KCNK1: variants seen among roughly 807,000 people sequenced by gnomAD.
The protein encoded by KCNK1 is potassium two pore domain channel subfamily K member 1.
KCNK1 carries 10 observed loss-of-function variants against 22.2 expected under a neutral mutation model. The ratio of observed to expected loss-of-function variants is 0.45; its 90% CI spans 0.28 to 0.76. The LOEUF (loss-of-function observed/expected upper bound fraction) is 0.76. KCNK1 is among the 30% of genes least tolerant of loss of function. The probability of loss-of-function intolerance (pLI) is 0.14; values close to 1 mark genes in which losing one functional copy is unlikely to be tolerated. For missense variants in KCNK1, 378 were observed against 421.0 expected (o/e 0.90, Z 0.89); for synonymous variants, 200 against 186.4 (o/e 1.07, Z -0.60).
intron 1 of KCNK1, among the ~76,000 whole-genome samples, chr1:233,619,549 G>GT (rs1467900173): frequency 4.6e-5 from 7 of 152,112 alleles, no homozygotes; most frequent in Non-Finnish European, 8.8e-5. Context: ...CTGATCCTTA[G>GT]TTGTCAAATT....
At chr1:233,655,824 T>A (rs1658281607) in intron 1 of KCNK1, 1 of 152,358 alleles carries the variant, frequency 6.6e-6, no homozygotes, top group South Asian at 2.0e-4. Flanking sequence ...TTTCTGTTGT[T>A]TATAAGCCTG....
intron 1 of KCNK1, among the ~76,000 whole-genome samples, chr1:233,625,309 G>A (rs1321340117): frequency 1.3e-5 from 2 of 152,180 alleles, no homozygotes; most frequent in African/African-American, 4.8e-5. Context: ...CTCTGGAATG[G>A]GGATTCTTAT....
At chr1:233,617,204 C>T (rs1657502530) in intron 1 of KCNK1, among the ~76,000 whole-genome samples, 1 of 152,188 alleles carries the variant, frequency 6.6e-6, no homozygotes, top group Admixed American at 6.5e-5. Flanking sequence ...TGTTGTAACA[C>T]AGGCCCATGA....
At chr1:233,626,660 C>T (rs565749987) in intron 1 of KCNK1, among the ~76,000 whole-genome samples, 1 of 152,228 alleles carries the variant, frequency 6.6e-6, no homozygotes, top group South Asian at 2.1e-4. Context: ...TGTGAGTTCC[C>T]TGGGCTGATC....
chr1:233,671,208 C>T, intron 2 of KCNK1, 63 bp from the exon 3 acceptor site: 3 of 1,481,954 alleles, frequency 2.0e-6, no homozygotes, highest in Non-Finnish European at 9.3e-7. Context: ...GGAGGTAAAT[C>T]ACTCGCTACT....
chr1:233,627,904 G>A (rs1211072004), intron 1 of KCNK1, among the ~76,000 whole-genome samples: 1 of 152,258 alleles, frequency 6.6e-6, no homozygotes, highest in African/African-American at 2.4e-5. Context: ...TGGAACACCA[G>A]AGTTATTTGT....
intron 1 of KCNK1, among the ~76,000 whole-genome samples, chr1:233,632,867 GT>G (rs1486265643): frequency 6.6e-6 from 1 of 152,074 alleles, no homozygotes; most frequent in Admixed American, 6.6e-5. Context: ...TCAGGACTTA[GT>G]TTTTTGGGGC....
intron 1 of KCNK1, among the ~76,000 whole-genome samples, chr1:233,651,908 A>G (rs770142141): frequency 6.6e-6 from 1 of 152,252 alleles, no homozygotes; most frequent in Non-Finnish European, 1.5e-5. Flanking sequence ...ATGAGGTTGT[A>G]TAAACCCTCT....
At chr1:233,659,473 T>C (rs569801351) in intron 1 of KCNK1, among the ~76,000 whole-genome samples, 2 of 150,824 alleles carry the variant, frequency 1.3e-5, no homozygotes, top group Admixed American at 1.3e-4. Context: ...TTCAGGCAAG[T>C]CCTGTAGAAG....
intron 1 of KCNK1, among the ~76,000 whole-genome samples, chr1:233,615,800 T>C (rs1657480489): frequency 6.6e-6 from 1 of 152,098 alleles, no homozygotes; most frequent in South Asian, 2.1e-4. Context: ...ACTATCTTGG[T>C]AATTACTTGG....
intron 1 of KCNK1, among the ~76,000 whole-genome samples, chr1:233,661,192 AG>A (rs1658387046): frequency 6.6e-6 from 1 of 152,148 alleles, no homozygotes; most frequent in Non-Finnish European, 1.5e-5. Context: ...CCCTTGCCTA[AG>A]TTATTATTTC....
chr1:233,615,168 G>T (rs1657465383), intron 1 of KCNK1, among the ~76,000 whole-genome samples: 2 of 152,242 alleles, frequency 1.3e-5, no homozygotes, highest in African/African-American at 4.8e-5. Flanking sequence ...AGGCCGATCC[G>T]GTTTCTTTTC....
intron 1 of KCNK1, among the ~76,000 whole-genome samples, chr1:233,615,994 T>G (rs1284235016): frequency 2.0e-5 from 3 of 152,248 alleles, no homozygotes; most frequent in African/African-American, 7.2e-5. Flanking sequence ...TATCTCACTT[T>G]CCAAAGAATG....
At chr1:233,625,632 A>G (rs1657676048) in intron 1 of KCNK1, among the ~76,000 whole-genome samples, 1 of 152,136 alleles carries the variant, frequency 6.6e-6, no homozygotes, top group Non-Finnish European at 1.5e-5. Flanking sequence ...TTAGGTGGTG[A>G]TAGGTGCTCA....
chr1:233,622,997 C>G (rs890463419), intron 1 of KCNK1, among the ~76,000 whole-genome samples: 1 of 152,078 alleles, frequency 6.6e-6, no homozygotes, highest in South Asian at 2.1e-4. Flanking sequence ...GGGCTTTAGG[C>G]AGAAAGCTCT....
chr1:233,646,215 G>A (rs1658090973), intron 1 of KCNK1, among the ~76,000 whole-genome samples: 1 of 152,160 alleles, frequency 6.6e-6, no homozygotes, highest in South Asian at 2.1e-4. Flanking sequence ...AGTCATTTGT[G>A]TGTCGATCCA....
chr1:233,659,780 C>T (rs1658360489), intron 1 of KCNK1, among the ~76,000 whole-genome samples: 2 of 152,136 alleles, frequency 1.3e-5, no homozygotes, highest in South Asian at 4.2e-4. Flanking sequence ...TTGACTGAAA[C>T]GTCGTTATGT....
At chr1:233,670,397 A>G (rs189364735) in intron 2 of KCNK1, among the ~76,000 whole-genome samples, 26 of 152,320 alleles carry the variant, frequency 1.7e-4, no homozygotes, top group African/African-American at 6.3e-4. Flanking sequence ...TTTTTGATTT[A>G]GTTTAGTGTA....
chr1:233,617,121 C>T (rs1464044883), intron 1 of KCNK1, among the ~76,000 whole-genome samples: 1 of 151,824 alleles, frequency 6.6e-6, no homozygotes. Context: ...CCTAATTAAT[C>T]AGTACAGTCA....
Sources: gnomAD v4.1 joint callset for allele counts (sites outside exome capture counted in the v4.1 genomes callset) on GRCh38, gnomAD v4.1.1 for gene constraint, MANE v1.5 for transcripts, NCBI Gene and HGNC (gene_info 2026-07-23, HGNC 2026-07-21) for gene names.